Variants in SGCZ observed in about 807,000 individuals in gnomAD.
SGCZ encodes zeta-sarcoglycan.
A neutral mutation model predicts 41.3 loss-of-function variants in SGCZ; 40 were observed. The observed-to-expected ratio is 0.97, with a 90% CI of 0.75 to 1.26. SGCZ has a LOEUF of 1.26. Ranked by LOEUF, SGCZ falls within the 50% of genes most tolerant of loss-of-function variation. SGCZ has a pLI of 0.00. For synonymous variants in SGCZ, 206 were observed against 137.5 expected (o/e 1.50, Z -3.49); for missense variants, 552 against 369.8 (o/e 1.49, Z -4.04).
In SGCZ at chr8:14,637,587, C is replaced by T. The variant is rs1266088836; in HGVS notation, c.40-82661G>A. Among the ~76,000 whole-genome samples the T allele has an allele frequency of 4.0e-5, 6 of 151,246 alleles. No individual in the cohort carries two copies. In the South Asian group the frequency reaches 6.2e-4, roughly 16 times the overall value. On this transcript the variant is annotated intron_variant, in intron 1 of 7. Coordinates refer to ENST00000382080, the MANE Select transcript of SGCZ (RefSeq NM_139167.4). Reference sequence around the variant, plus strand: ...ACATGCAGTATTTGTTTTTTTTGTTCCTGCATTAATTTGCTTAGGATAATG... The same window carrying T: ...ACATGCAGTATTTGTTTTTTTTGTTTCTGCATTAATTTGCTTAGGATAATG...
chr8:14,697,136 T>A (rs1741093580), intron 1 of SGCZ, among the ~76,000 whole-genome samples: 1 of 152,046 alleles, frequency 6.6e-6, no homozygotes, highest in African/African-American at 2.4e-5. Context: ...CAAAACATTA[T>A]ATTCTAAAAA....
intron 1 of SGCZ, among the ~76,000 whole-genome samples, chr8:14,685,027 C>A (rs1808566935): frequency 2.0e-5 from 3 of 152,118 alleles, no homozygotes; most frequent in South Asian, 4.1e-4. Flanking sequence ...TTGTCAAAAA[C>A]CATTAATTTG....
chr8:14,642,944 C>A (rs78992693), intron 1 of SGCZ, among the ~76,000 whole-genome samples: 12,284 of 151,438 alleles, frequency 0.081, 566 homozygotes, highest in South Asian at 0.17. Flanking sequence ...CTGTTTCACA[C>A]CTCGATATAT....
At chr8:14,387,927 A>C (rs1804633455) in intron 2 of SGCZ, among the ~76,000 whole-genome samples, 1 of 152,118 alleles carries the variant, frequency 6.6e-6, no homozygotes, top group African/African-American at 2.4e-5. Flanking sequence ...AGAGAAGTGG[A>C]ATGAAAGAAA....
At position 14,214,980 on chromosome 8, in the gene SGCZ, G is replaced by C. The variant is rs80011113; in HGVS notation, c.424+22612C>G. 2.5e-3 allele frequency among the ~76,000 whole-genome samples: 378 copies of C among 152,182 alleles called. 3 individuals are homozygous for C. Among genetic ancestry groups the C allele is most frequent in the African/African-American group, 8.9e-3 (371 of 41,554 alleles). Reference sequence around the variant, plus strand: ...TGATTAGGGGAAAGAAAATTAGCAAGACAGAGAAATACTGAAGAATATTAT... The same window carrying C: ...TGATTAGGGGAAAGAAAATTAGCAACACAGAGAAATACTGAAGAATATTAT... On this transcript the variant is annotated intron_variant, in intron 4 of 7. Transcript: ENST00000382080.
At chr8:14,697,550 G>A (rs1031925399) in intron 1 of SGCZ, among the ~76,000 whole-genome samples, 1 of 151,836 alleles carries the variant, frequency 6.6e-6, no homozygotes, top group South Asian at 2.1e-4. Flanking sequence ...GCTGATTATC[G>A]GTTCTTTTGT....
At chr8:15,119,441 G>A (rs1288806053) in intron 1 of SGCZ, among the ~76,000 whole-genome samples, 1 of 151,550 alleles carries the variant, frequency 6.6e-6, no homozygotes, top group Non-Finnish European at 1.5e-5. Context: ...GAAGTGGGAG[G>A]ATCACTTGAG....
At chr8:14,116,667 G>C (rs1030017799) in intron 5 of SGCZ, among the ~76,000 whole-genome samples, 1 of 151,992 alleles carries the variant, frequency 6.6e-6, no homozygotes, top group Non-Finnish European at 1.5e-5. Flanking sequence ...TGTTGCTCAA[G>C]GTTGCTCCTT....
At chr8:14,815,075 C>A (rs1337990656) in intron 1 of SGCZ, among the ~76,000 whole-genome samples, 1 of 152,074 alleles carries the variant, frequency 6.6e-6, no homozygotes, top group African/African-American at 2.4e-5. Flanking sequence ...TTTATTGGAG[C>A]AATTTGTCCC....
intron 2 of SGCZ, among the ~76,000 whole-genome samples, chr8:14,394,586 C>G (rs1804913034): frequency 6.6e-6 from 1 of 152,174 alleles, no homozygotes; most frequent in Non-Finnish European, 1.5e-5. Flanking sequence ...CTAGCATTCT[C>G]ATTCATGCAT....
At chr8:14,256,159 C>A (rs1799458825) in intron 3 of SGCZ, among the ~76,000 whole-genome samples, 1 of 152,084 alleles carries the variant, frequency 6.6e-6, no homozygotes, top group African/African-American at 2.4e-5. Context: ...AAAATGCTTT[C>A]TTTCTTTAAT....
intron 1 of SGCZ, among the ~76,000 whole-genome samples, chr8:15,189,431 G>T (rs1800458003): frequency 6.6e-6 from 1 of 152,102 alleles, no homozygotes; most frequent in Non-Finnish European, 1.5e-5. Context: ...TGTAAAGAAA[G>T]CTTTCCCTCC....
chr8:14,494,306 A>G (rs1801927073), intron 2 of SGCZ, among the ~76,000 whole-genome samples: 1 of 152,104 alleles, frequency 6.6e-6, no homozygotes, highest in African/African-American at 2.4e-5. Context: ...CAAAATAGGG[A>G]GCACTTGTGT....
At chr8:14,575,205 T>C (rs1483652366) in intron 1 of SGCZ, among the ~76,000 whole-genome samples, 2 of 152,206 alleles carry the variant, frequency 1.3e-5, no homozygotes, top group East Asian at 1.9e-4. Flanking sequence ...TCAATATTTG[T>C]TAAAGCTGAA....
At chr8:14,199,732 A>G (rs990877365) in intron 4 of SGCZ, among the ~76,000 whole-genome samples, 11 of 152,138 alleles carry the variant, frequency 7.2e-5, no homozygotes, top group Non-Finnish European at 1.5e-4. Context: ...AAATATCAGG[A>G]GTGAATTTCC....
intron 1 of SGCZ, among the ~76,000 whole-genome samples, chr8:14,937,462 C>A (rs1419889626): frequency 6.6e-6 from 1 of 151,924 alleles, no homozygotes; most frequent in Admixed American, 6.6e-5. Context: ...GATTCCAATG[C>A]CTTCATAAGA....
chr8:14,400,516 G>T (rs1315130028), intron 2 of SGCZ, among the ~76,000 whole-genome samples: 1 of 152,110 alleles, frequency 6.6e-6, no homozygotes, highest in Non-Finnish European at 1.5e-5. Context: ...GGGTCAAATT[G>T]TTGGGTCCCA....
chr8:14,286,989 C>T (rs887143988), intron 3 of SGCZ, among the ~76,000 whole-genome samples: 1 of 151,910 alleles, frequency 6.6e-6, no homozygotes, highest in African/African-American at 2.4e-5. Flanking sequence ...TTTTCCCCTA[C>T]TTGTGCATAT....
intron 4 of SGCZ, among the ~76,000 whole-genome samples, chr8:14,180,289 A>G (rs1168698320): frequency 6.6e-6 from 1 of 152,174 alleles, no homozygotes; most frequent in Non-Finnish European, 1.5e-5. Context: ...TGACACACTT[A>G]TCTATAACAA....
Sources: gnomAD v4.1 joint callset for allele counts (sites outside exome capture counted in the v4.1 genomes callset) on GRCh38, gnomAD v4.1.1 for gene constraint, MANE v1.5 for transcripts, NCBI Gene and HGNC (gene_info 2026-07-23, HGNC 2026-07-21) for gene names.